KCNT1: variants seen among roughly 807,000 people sequenced by gnomAD.
The protein encoded by KCNT1 is potassium sodium-activated channel subfamily T member 1.
A neutral mutation model predicts 147.8 loss-of-function variants in KCNT1; 78 were observed. The ratio of observed to expected loss-of-function variants is 0.53; its 90% CI spans 0.44 to 0.64. The LOEUF (loss-of-function observed/expected upper bound fraction) is 0.64. KCNT1 is among the 30% of genes least tolerant of loss of function. KCNT1 has a pLI of 0.00. For synonymous variants in KCNT1, 867 were observed against 748.8 expected, an observed-to-expected ratio of 1.16 and a Z score of -2.58; for missense variants, 1,419 against 1,750.3, an observed-to-expected ratio of 0.81 and a Z score of 3.38.
At chr9:135,717,724 C>G (rs1835776414) in intron 2 of KCNT1, among the ~76,000 whole-genome samples, 1 of 152,212 alleles carries the variant, frequency 6.6e-6, no homozygotes, top group Admixed American at 6.5e-5. Flanking sequence ...GGCCTAGGAG[C>G]CCGGGGAACC....
At chr9:135,724,563 GC>G (rs1836052885) in intron 2 of KCNT1, among the ~76,000 whole-genome samples, 2 of 152,264 alleles carry the variant, frequency 1.3e-5, no homozygotes, top group Non-Finnish European at 2.9e-5. Context: ...TTGAGTGTCT[GC>G]TGTAGGCACC....
At chr9:135,769,231 G>A (rs1470845581) in intron 15 of KCNT1, among the ~76,000 whole-genome samples, 8 of 137,616 alleles carry the variant, frequency 5.8e-5, no homozygotes, top group African/African-American at 8.6e-5. Context: ...ACGTGTGCAC[G>A]TGTGTGTCGG....
intron 29 of KCNT1, among the ~76,000 whole-genome samples, chr9:135,786,909 G>A (rs538118470): frequency 6.6e-6 from 1 of 152,364 alleles, no homozygotes; most frequent in East Asian, 1.9e-4. Context: ...AGGCAGCTGT[G>A]GGGTGGAGAG....
In KCNT1 at chr9:135,756,739, A is replaced by G. The variant is rs561779457; in HGVS notation, c.541-134A>G. On this transcript the variant is annotated intron_variant, in intron 6 of 30. Transcript: ENST00000371757. ...CCTTGGTGGCTAAGACTGTCCTGACATGGGAGTGAGGGTCAAGGCAGACCC... is the reference window on the plus strand; with the variant it reads ...CCTTGGTGGCTAAGACTGTCCTGACGTGGGAGTGAGGGTCAAGGCAGACCC... 1.5e-5 allele frequency: 12 copies of G among 776,818 alleles called. No individual in the cohort carries two copies. In the East Asian group the frequency reaches 2.5e-4, roughly 16 times the overall value. The allele number at this position is 776,818 out of a possible 1,614,324, so 48.1% of individuals were successfully genotyped here.
chr9:135,752,925 GGATGGATGGACAGATAAGTAGATGGATA>G lies in KCNT1; in HGVS notation c.435-1003_435-976del. ...AGGGATGAGTGGATGGATGATGGATGGATGGATGGACAGATAAGTAGATGGATAGATGGATGAGTGGATGGATGATGAG... is the reference window on the plus strand; with the variant it reads ...AGGGATGAGTGGATGGATGATGGATGGATGGATGAGTGGATGGATGATGAG... On this transcript the variant is annotated intron_variant, in intron 4 of 30. Coordinates refer to ENST00000371757, the MANE Select transcript of KCNT1 (RefSeq NM_020822.3). This position sits in a 1 kb window ranked among gnomAD's most constrained non-coding sequence, Gnocchi z 5.1. Among the ~76,000 whole-genome samples, 1 of 151,038 alleles carries G rather than the reference GGATGGATGGACAGATAAGTAGATGGATA, an allele frequency of 6.6e-6. No homozygotes were observed. Among genetic ancestry groups the G allele is most frequent in the African/African-American group, 2.4e-5 (1 of 41,012 alleles).
At chr9:135,773,889 G>A (rs993333526) in intron 19 of KCNT1, among the ~76,000 whole-genome samples, 21 of 152,218 alleles carry the variant, frequency 1.4e-4, no homozygotes, top group African/African-American at 3.1e-4. Context: ...CCCACCAGCC[G>A]GGGGTGCTGG....
Position 135,750,330 on chromosome 9 carries a change from G to A in KCNT1, c.334+153G>A, listed in dbSNP as rs58063887. ...TGCTGCGGGGGCATTTGGAAGCAGG[G>A]TGGGGGTGGGTCTGCATGGTGAGTG... is the stretch of plus-strand genomic sequence containing the variant. On this transcript the variant is annotated intron_variant, in intron 3 of 30. Transcript: ENST00000371757. 0.027 allele frequency among the ~76,000 whole-genome samples: 4,072 copies of A among 151,952 alleles called. 173 individuals carry two copies. Among genetic ancestry groups the A allele is most frequent in the African/African-American group, 0.093 (3,870 of 41,432 alleles).
intron 11 of KCNT1, among the ~76,000 whole-genome samples, chr9:135,760,265 TC>T (rs566861655): frequency 5.6e-4 from 85 of 152,230 alleles, no homozygotes; most frequent in African/African-American, 1.9e-3. Context: ...CCCAGTGGCT[TC>T]CCCGTCACCA....
At chr9:135,785,408 G>GCCCCCCCCCCCCCCCCCCCCC in intron 28 of KCNT1, 78 bp downstream of exon 28, 4 of 1,526,460 alleles carry the variant, frequency 2.6e-6, no homozygotes, top group South Asian at 1.2e-5. Context: ...AGCCTGCCAG[G>GCCCCCCCCCCCCCCCCCCCCC]CCCCACCCAC....
rs186935207 is a variant in KCNT1, at chr9:135,714,761, C to G, written c.254+41C>G. Reference sequence around the variant, plus strand: ...GGGGTGGGGGCTGGGGTCGCCGTCCCGGCGCCGCCGCACGCCCGGAGCTGT... The same window carrying G: ...GGGGTGGGGGCTGGGGTCGCCGTCCGGGCGCCGCCGCACGCCCGGAGCTGT... On this transcript the variant is annotated intron_variant, in intron 2 of 30. Transcript: ENST00000371757. The surrounding 1 kb of genome is among the most constrained non-coding windows in gnomAD (Gnocchi z 6.2). 3 of 1,200,230 alleles carry G rather than the reference C, an allele frequency of 2.5e-6. No individual in the cohort carries two copies. The highest frequency in any genetic ancestry group is 2.8e-4 in the Middle Eastern group (1 of 3,632). 74.3% of individuals were successfully genotyped at this position (1,200,230 alleles called of 1,614,324 possible). A position where few individuals can be genotyped will look rare whatever the true frequency, so the allele number is the denominator to read the frequency against.
chr9:135,772,648 C>A, intron 18 of KCNT1, 67 bp from the exon 19 acceptor site: 1 of 1,225,270 alleles, frequency 8.2e-7, no homozygotes, highest in Non-Finnish European at 1.1e-6. Flanking sequence ...TTCACCTGAG[C>A]TCTGGGAACT....
At chr9:135,764,710 C>T (rs371309092) in intron 11 of KCNT1, among the ~76,000 whole-genome samples, 21 of 152,258 alleles carry the variant, frequency 1.4e-4, no homozygotes, top group Middle Eastern at 3.4e-3. Context: ...GATTTGGCCA[C>T]GCTTACCATC....
At chr9:135,706,661 A>G (rs1215542363) in intron 1 of KCNT1, among the ~76,000 whole-genome samples, 1 of 152,186 alleles carries the variant, frequency 6.6e-6, no homozygotes, top group African/African-American at 2.4e-5. Context: ...GACTCCCTCC[A>G]GGGGCCAGAA....
intron 20 of KCNT1, 118 bp from the exon 21 acceptor site, chr9:135,777,220 C>G (rs990805777): frequency 9.0e-7 from 1 of 1,107,184 alleles, no homozygotes; most frequent in East Asian, 2.4e-5. Context: ...GGCTGTGGGC[C>G]GAGAGGCTAA....
chr9:135,745,839 C>T (rs1830805440), intron 2 of KCNT1, among the ~76,000 whole-genome samples: 1 of 152,212 alleles, frequency 6.6e-6, no homozygotes, highest in African/African-American at 2.4e-5. Context: ...GCTGCCGGGC[C>T]GGGAGCATGC....
At chr9:135,773,016 G>A in intron 19 of KCNT1, 67 bp downstream of exon 19, 1 of 1,128,860 alleles carries the variant, frequency 8.9e-7, no homozygotes, top group Non-Finnish European at 1.2e-6. Context: ...GGGGATGGGT[G>A]TCGGAGCATC....
chr9:135,771,015 G>A lies in KCNT1; in HGVS notation c.1928G>A (p.Arg643Gln), dbSNP rs141281093. 1.7e-4 allele frequency: 282 copies of A among 1,613,664 alleles called. No individual in the cohort carries two copies. Among genetic ancestry groups the A allele is most frequent in the Middle Eastern group, 8.3e-4 (5 of 6,060 alleles). ...SAFIFKQEEKRKKRAFSGQGL... is the reference protein window; with the variant it reads ...SAFIFKQEEKQKKRAFSGQGL... ...TTCATCTTCAAGCAGGAGGAGAAGC[G>A]GAAGAAGAGGGCCTTCTCGGGGCAG... The change falls in exon 18 of 31, where the codon CGG becomes CAG. Residue 643 changes from arginine to glutamine, a missense_variant. This residue lies in a region of KCNT1 where 284 missense variants were observed against 292.8 expected (regional missense o/e 0.97). Transcript: ENST00000371757.
At chr9:135,784,512 T>G in intron 25 of KCNT1, 23 bp from the exon 26 acceptor site, 1 of 167,918 alleles carries the variant, frequency 6.0e-6, no homozygotes. Context: ...CCTCCCTCCC[T>G]CCCTCCCTCC....
chr9:135,768,622 G>A lies in KCNT1; in HGVS notation c.1350G>A (p.Gly450=). The A allele has an allele frequency of 6.4e-7, 1 of 1,550,478 alleles. No homozygotes were observed. Among genetic ancestry groups the A allele is most frequent in the Non-Finnish European group, 8.7e-7 (1 of 1,146,818 alleles). Residue 450 remains glycine, a synonymous_variant, in exon 14 of 31, where the codon GGG becomes GGA. Coordinates refer to ENST00000371757, the MANE Select transcript of KCNT1 (RefSeq NM_020822.3). ...TGGTGCATTGCAGGATGGACAATGGGGAGGCCTGCTTCATCCTCAGCAGCA... is the reference window on the plus strand; with the variant it reads ...TGGTGCATTGCAGGATGGACAATGGAGAGGCCTGCTTCATCCTCAGCAGCA... ...QDLMRAKMDN[G]EACFILSSRN... is the part of the protein sequence containing the mutation.
Sources: allele counts gnomAD v4.1 joint callset (sites outside exome capture counted in the v4.1 genomes callset), GRCh38; gene constraint gnomAD v4.1.1; regional missense constraint gnomAD v4.1.1; non-coding constraint Gnocchi (gnomAD v3.1); transcripts MANE v1.5; gene names NCBI Gene and HGNC (gene_info 2026-07-23, HGNC 2026-07-21).